Variants in CPSF2 observed in about 807,000 individuals in gnomAD.
The protein encoded by CPSF2 is cleavage and polyadenylation specificity factor subunit 2.
Under a neutral mutation model 84.2 loss-of-function variants are expected in CPSF2, and 51 were observed. The ratio of observed to expected loss-of-function variants is 0.61; its 90% confidence interval spans 0.48 to 0.77. CPSF2 has a LOEUF of 0.77. Among genes scored for constraint, CPSF2 ranks in the 30% least tolerant of loss-of-function variants. The probability of loss-of-function intolerance (pLI) is 0.00; values close to 1 mark genes in which losing one functional copy is unlikely to be tolerated. For synonymous variants in CPSF2, 286 were observed against 311.9 expected (o/e 0.92, Z 0.87); for missense variants, 641 against 929.4 (o/e 0.69, Z 4.03).
chr14:92,130,839 G>T, intron 2 of CPSF2, 112 bp from the exon 3 acceptor site: 1 of 668,234 alleles, frequency 1.5e-6, no homozygotes, highest in Non-Finnish European at 2.3e-6. Flanking sequence ...TGCTTTTCGT[G>T]TTAATGGAAT....
rs946071272 is a variant in CPSF2 at position 92,122,108 on chromosome 14, C to A, written c.-114C>A. 2.4e-6 allele frequency: 1 copy of A among 424,492 alleles called. No homozygotes were observed. Among genetic ancestry groups the A allele is most frequent in the Non-Finnish European group, 4.4e-6 (1 of 227,524 alleles). 26.3% of individuals were successfully genotyped at this position (424,492 alleles called of 1,614,324 possible). A position where few individuals can be genotyped will look rare whatever the true frequency, so the allele number is the denominator to read the frequency against. ...AGGGGTTGGGAAGGGCTGTGGACGGCGTTGGGGGAGGCCTGACGAGGCAAG... is the reference window on the plus strand; with the variant it reads ...AGGGGTTGGGAAGGGCTGTGGACGGAGTTGGGGGAGGCCTGACGAGGCAAG... On this transcript the variant is annotated 5_prime_UTR_variant, in exon 1 of 16. Coordinates refer to ENST00000298875, the MANE Select transcript of CPSF2 (RefSeq NM_017437.3).
At chr14:92,146,393 C>T (rs1243988129) in intron 9 of CPSF2, among the ~76,000 whole-genome samples, 5 of 151,994 alleles carry the variant, frequency 3.3e-5, no homozygotes, top group Non-Finnish European at 2.9e-5. Flanking sequence ...TGGTGGTGGG[C>T]GCCTGTAATC....
intron 7 of CPSF2, among the ~76,000 whole-genome samples, chr14:92,139,948 C>CTTTTTTTTTTTTTT (rs1331887317): frequency 8.6e-6 from 1 of 115,848 alleles, no homozygotes. Context: ...AAAAGTACAA[C>CTTTTTTTTTTTTTT]TATTTTTTTT....
chr14:92,169,351 C>G lies in CPSF2; in HGVS notation c.*7607C>G, dbSNP rs2069489930. 6.6e-6 allele frequency: 1 copy of G among 151,924 alleles called. No homozygotes were observed. Among genetic ancestry groups the G allele is most frequent in the South Asian group, 2.1e-4 (1 of 4,816 alleles). 9.4% of individuals were successfully genotyped at this position (151,924 alleles called of 1,614,324 possible). ...TAAAAAAGAAAAAGGACTTTAAAAA[C>G]CCTCTCAGGACAAACATTTGCTACC... On this transcript the variant is annotated 3_prime_UTR_variant, in exon 16 of 16. Coordinates refer to ENST00000298875, the MANE Select transcript of CPSF2 (RefSeq NM_017437.3).
chr14:92,168,992 G>A lies in CPSF2; in HGVS notation c.*7248G>A, dbSNP rs2069484942. On this transcript the variant is annotated 3_prime_UTR_variant, in exon 16 of 16. Coordinates refer to ENST00000298875, the MANE Select transcript of CPSF2 (RefSeq NM_017437.3). The stretch of plus-strand genomic sequence containing the variant: ...AATTTCAAGTGGAGAATATATAAAG[G>A]ACTCGTGAGGCCTTCCTACCTCATT... 1 of 152,078 alleles carries A rather than the reference G, an allele frequency of 6.6e-6. No individual in the cohort carries two copies. Among genetic ancestry groups the A allele is most frequent in the Non-Finnish European group, 1.5e-5 (1 of 68,018 alleles). 9.4% of individuals were successfully genotyped at this position (152,078 alleles called of 1,614,324 possible).
intron 9 of CPSF2, among the ~76,000 whole-genome samples, chr14:92,149,086 G>A (rs898973829): frequency 1.3e-5 from 2 of 152,248 alleles, no homozygotes; most frequent in Admixed American, 1.3e-4. Flanking sequence ...GACCCTTTCA[G>A]GGAGTCCACA....
chr14:92,161,384 C>G, intron 15 of CPSF2, 138 bp downstream of exon 15: 1 of 969,674 alleles, frequency 1.0e-6, no homozygotes, highest in Non-Finnish European at 1.5e-6. Context: ...ACCTCAAAGG[C>G]TTACAGAAGT....
At chr14:92,125,230 A>C (rs1480611380) in intron 1 of CPSF2, among the ~76,000 whole-genome samples, 3 of 152,184 alleles carry the variant, frequency 2.0e-5, no homozygotes, top group African/African-American at 7.2e-5. Flanking sequence ...GTATTAGGGT[A>C]CTGGCAGTGG....
intron 9 of CPSF2, among the ~76,000 whole-genome samples, chr14:92,146,387 G>C (rs149894479): frequency 2.0e-5 from 3 of 152,262 alleles, no homozygotes; most frequent in East Asian, 3.9e-4. Flanking sequence ...CTGGCGTGGT[G>C]GTGGGCGCCT....
In CPSF2 at chr14:92,165,908, C is replaced by A. The variant is rs2069441194; in HGVS notation, c.*4164C>A. 1 of 119,148 alleles carries A rather than the reference C, an allele frequency of 8.4e-6. No individual in the cohort carries two copies. Among genetic ancestry groups the A allele is most frequent in the South Asian group, 2.8e-4 (1 of 3,582 alleles). The allele number at this position is 119,148 out of a possible 1,614,324, so 7.4% of individuals were successfully genotyped here. On this transcript the variant is annotated 3_prime_UTR_variant, in exon 16 of 16. Transcript: ENST00000298875. The stretch of plus-strand genomic sequence containing the variant: ...ATGGAGTCTTGCTTTGTCACCCAGG[C>A]TGGAGTGCAGTGGCGCGGTCTCAGC...
At chr14:92,154,104 G>T (rs1157680710) in intron 9 of CPSF2, 1 of 274,270 alleles carries the variant, frequency 3.6e-6, no homozygotes, top group East Asian at 7.1e-5. Flanking sequence ...GATTATAGGT[G>T]TGAGCTACTG....
intron 9 of CPSF2, among the ~76,000 whole-genome samples, chr14:92,143,917 A>G (rs1462125670): frequency 6.6e-6 from 1 of 152,144 alleles, no homozygotes; most frequent in African/African-American, 2.4e-5. Context: ...TCAATCTGTG[A>G]AAGGTTCCTT....
chr14:92,161,685 CT>C lies in CPSF2; in HGVS notation c.2293del (p.Cys765ValfsTer7). 1.3e-6 allele frequency: 2 copies of C among 1,594,318 alleles called. No homozygotes were observed. Among genetic ancestry groups the C allele is most frequent in the Admixed American group, 1.8e-5 (1 of 54,778 alleles). On this transcript the variant is annotated frameshift_variant, in exon 16 of 16. Transcript: ENST00000298875. LOFTEE classifies it high-confidence loss of function. ...TGGACGCATTGGATTAGAAGGCTGC[CT>C]TTGTCAAGATTTTTATAGGATAAGA... ...ETGRIGLEGC[L>X]CQDFYRIRDL... is the part of the protein sequence containing the mutation.
At chr14:92,143,672 C>T (rs180905710) in intron 9 of CPSF2, among the ~76,000 whole-genome samples, 62 of 152,294 alleles carry the variant, frequency 4.1e-4, no homozygotes, top group African/African-American at 1.4e-3. Flanking sequence ...GTGGTGCTAT[C>T]ATAGTTCCGT....
intron 9 of CPSF2, among the ~76,000 whole-genome samples, chr14:92,150,207 C>T (rs1355245043): frequency 2.6e-5 from 4 of 151,696 alleles, no homozygotes; most frequent in African/African-American, 4.8e-5. Context: ...CTCTACTTCC[C>T]GGGTTCAAGC....
At chr14:92,141,715 C>T (rs540421362) in intron 7 of CPSF2, among the ~76,000 whole-genome samples, 1 of 152,100 alleles carries the variant, frequency 6.6e-6, no homozygotes, top group South Asian at 2.1e-4. Flanking sequence ...TGAGGGATGG[C>T]TGTATATATA....
rs1458765753 is a variant in CPSF2, at chr14:92,169,323, C to T, written c.*7579C>T. On this transcript the variant is annotated 3_prime_UTR_variant, in exon 16 of 16. Transcript: ENST00000298875. ...TGTTACTACATGACCCCCCCACACC[C>T]CCTAAAAAAGAAAAAGGACTTTAAA... 6.6e-6 allele frequency: 1 copy of T among 152,164 alleles called. No homozygotes were observed. Among genetic ancestry groups the T allele is most frequent in the Admixed American group, 6.5e-5 (1 of 15,270 alleles). The allele number at this position is 152,164 out of a possible 1,614,324, so 9.4% of individuals were successfully genotyped here.
chr14:92,130,492 A>G (rs1269514280), intron 2 of CPSF2, among the ~76,000 whole-genome samples: 1 of 152,238 alleles, frequency 6.6e-6, no homozygotes, highest in Admixed American at 6.5e-5. Flanking sequence ...ACATTTATTT[A>G]TTGAGGAACT....
chr14:92,122,587 C>T (rs983200148), intron 1 of CPSF2, among the ~76,000 whole-genome samples: 1 of 152,212 alleles, frequency 6.6e-6, no homozygotes, highest in Admixed American at 6.5e-5. Flanking sequence ...ACTCCAGAGA[C>T]CTTTCGGTTG....
Sources: allele counts gnomAD v4.1 joint callset (sites outside exome capture counted in the v4.1 genomes callset), GRCh38; gene constraint gnomAD v4.1.1; transcripts MANE v1.5; gene names NCBI Gene and HGNC (gene_info 2026-07-23, HGNC 2026-07-21).